The following CNTN5 variants were observed in gnomAD, a reference collection of about 807,000 sequenced individuals.
The protein encoded by CNTN5 is contactin-5.
Under a neutral mutation model 129.1 loss-of-function variants are expected in CNTN5, and 77 were observed. The ratio of observed to expected loss-of-function variants is 0.60; its 90% confidence interval spans 0.50 to 0.72. The LOEUF is 0.72. Among genes scored for constraint, CNTN5 ranks in the 30% least tolerant of loss-of-function variants. The pLI, the probability that CNTN5 is intolerant of heterozygous loss-of-function variation, is 0.00. For missense variants in CNTN5, 1,478 were observed against 1,328.8 expected, an observed-to-expected ratio of 1.11 and a Z score of -1.75; for synonymous variants, 509 against 465.6, an observed-to-expected ratio of 1.09 and a Z score of -1.20.
At chr11:99,429,835 A>T (rs190876522) in intron 2 of CNTN5, among the ~76,000 whole-genome samples, 1 of 152,220 alleles carries the variant, frequency 6.6e-6, no homozygotes, top group East Asian at 1.9e-4. Context: ...ACACACTGAG[A>T]GTAGCCCCCG....
chr11:99,756,549 A>G (rs1318537590), intron 3 of CNTN5, among the ~76,000 whole-genome samples: 1 of 152,136 alleles, frequency 6.6e-6, no homozygotes, highest in Non-Finnish European at 1.5e-5. Flanking sequence ...TGCTAAGATC[A>G]CTAGAAATCA....
Position 99,323,425 on chromosome 11 carries a change from A to C in CNTN5, c.-209-1921A>C, listed in dbSNP as rs550079109. Among the ~76,000 whole-genome samples, 4 of 152,282 alleles carry C rather than the reference A, an allele frequency of 2.6e-5. No individual in the cohort carries two copies. In the South Asian group the frequency reaches 8.3e-4, roughly 32 times the overall value. On this transcript the variant is annotated intron_variant, in intron 1 of 24. Transcript: ENST00000524871. ...ATTGGAAAATGACAACCATCACCAC[A>C]ACAATACAGTTCATTATAATTTTTT... is the stretch of plus-strand genomic sequence containing the variant.
intron 1 of CNTN5, among the ~76,000 whole-genome samples, chr11:99,024,843 C>A (rs1302505508): frequency 1.3e-5 from 2 of 151,914 alleles, no homozygotes; most frequent in African/African-American, 2.4e-5. Flanking sequence ...AGTGTGAGAT[C>A]TATCATTCAT....
chr11:99,626,797 A>C (rs1951149167), intron 3 of CNTN5, among the ~76,000 whole-genome samples: 1 of 152,142 alleles, frequency 6.6e-6, no homozygotes, highest in South Asian at 2.1e-4. Flanking sequence ...ACACAGTGAA[A>C]CGATACTCAA....
intron 1 of CNTN5, among the ~76,000 whole-genome samples, chr11:99,312,274 T>C (rs1865146757): frequency 6.6e-6 from 1 of 152,170 alleles, no homozygotes; most frequent in African/African-American, 2.4e-5. Flanking sequence ...ATACATATAA[T>C]ATGAAACACC....
intron 13 of CNTN5, among the ~76,000 whole-genome samples, chr11:100,133,823 A>G (rs1356794436): frequency 1.3e-5 from 2 of 152,132 alleles, no homozygotes; most frequent in Non-Finnish European, 2.9e-5. Context: ...ACTTGCTGGT[A>G]ACTGGAGTTA....
At chr11:99,271,564 T>A (rs1320028922) in intron 1 of CNTN5, among the ~76,000 whole-genome samples, 1 of 151,878 alleles carries the variant, frequency 6.6e-6, no homozygotes, top group African/African-American at 2.4e-5. Context: ...ATCTCACATT[T>A]TCTGTGGGTT....
At chr11:99,583,252 G>C (rs1168063845) in intron 3 of CNTN5, among the ~76,000 whole-genome samples, 1 of 152,188 alleles carries the variant, frequency 6.6e-6, no homozygotes, top group Admixed American at 6.5e-5. Context: ...GTGCCTCCCA[G>C]TTAGGCTACT....
intron 9 of CNTN5, among the ~76,000 whole-genome samples, chr11:100,026,133 A>C (rs1403317463): frequency 6.6e-6 from 1 of 152,102 alleles, no homozygotes; most frequent in East Asian, 1.9e-4. Context: ...AGGTAACTGA[A>C]TCATTGAGGA....
At chr11:99,222,683 C>T (rs1002323381) in intron 1 of CNTN5, among the ~76,000 whole-genome samples, 2 of 152,048 alleles carry the variant, frequency 1.3e-5, no homozygotes, top group Non-Finnish European at 2.9e-5. Context: ...TTATGGCCCA[C>T]ATTTCTGGAT....
At chr11:99,621,852 G>C (rs1191883956) in intron 3 of CNTN5, among the ~76,000 whole-genome samples, 1 of 152,180 alleles carries the variant, frequency 6.6e-6, no homozygotes, top group East Asian at 1.9e-4. Context: ...ACATTTACCA[G>C]TGAGTATAGA....
At chr11:99,733,482 A>C (rs1300654572) in intron 3 of CNTN5, among the ~76,000 whole-genome samples, 1 of 151,842 alleles carries the variant, frequency 6.6e-6, no homozygotes, top group Non-Finnish European at 1.5e-5. Flanking sequence ...GATAACTGGG[A>C]GGGTCTATGG....
intron 7 of CNTN5, among the ~76,000 whole-genome samples, chr11:99,956,296 A>G (rs920168123): frequency 6.6e-6 from 1 of 152,166 alleles, no homozygotes; most frequent in Non-Finnish European, 1.5e-5. Flanking sequence ...TAGAAGTTAA[A>G]CTAAGTTACA....
intron 8 of CNTN5, among the ~76,000 whole-genome samples, chr11:99,968,656 C>CTCTTTTTTTTTTTTTT (rs1951161575): frequency 1.4e-5 from 1 of 73,910 alleles, no homozygotes; most frequent in Non-Finnish European, 2.5e-5. Flanking sequence ...GCTTTGGGTA[C>CTCTTTTTTTTTTTTTT]TTTTTTTTTT....
intron 8 of CNTN5, among the ~76,000 whole-genome samples, chr11:99,969,522 C>T (rs1266500990): frequency 6.6e-6 from 1 of 152,080 alleles, no homozygotes; most frequent in Non-Finnish European, 1.5e-5. Flanking sequence ...CCTCTTCTTC[C>T]ATTTAATAAT....
At position 100,070,327 on chromosome 11, in the gene CNTN5, T is replaced by C. The variant is rs143161059; in HGVS notation, c.1163-97T>C. 1,635 of 1,303,518 alleles carry C rather than the reference T, an allele frequency of 1.3e-3. 11 individuals carry two copies. The African/African-American group carries it at 0.021, about 17-fold the overall frequency. 80.7% of individuals were successfully genotyped at this position (1,303,518 alleles called of 1,614,324 possible). A position where few individuals can be genotyped will look rare whatever the true frequency, so the allele number is the denominator to read the frequency against. On this transcript the variant is annotated intron_variant, in intron 10 of 24. Coordinates refer to ENST00000524871, the MANE Select transcript of CNTN5 (RefSeq NM_014361.4). ...AATACCTATGGTTGAATGAATTGCT[T>C]TTAAAAAAATACGTTGAATTTTTCC...
chr11:99,781,335 T>C (rs552957941), intron 3 of CNTN5, among the ~76,000 whole-genome samples: 1 of 152,072 alleles, frequency 6.6e-6, no homozygotes, highest in Non-Finnish European at 1.5e-5. Flanking sequence ...GTGAAATGAC[T>C]TATTTTCATG....
Position 99,475,099 on chromosome 11 carries a change from A to G in CNTN5, c.-70-81046A>G, listed in dbSNP as rs1194288071. ...ATTAGACCATGTAAGATCCACCCTCATGAATGTGGGATTAGACCATGTAAG... is the reference window on the plus strand; with the variant it reads ...ATTAGACCATGTAAGATCCACCCTCGTGAATGTGGGATTAGACCATGTAAG... On this transcript the variant is annotated intron_variant, in intron 2 of 24. Transcript: ENST00000524871. Among the ~76,000 whole-genome samples the G allele has an allele frequency of 2.0e-5, 3 of 151,120 alleles. No individual in the cohort carries two copies. In the East Asian group the frequency reaches 5.9e-4, roughly 30 times the overall value.
At chr11:100,118,050 T>A (rs1305388927) in intron 13 of CNTN5, among the ~76,000 whole-genome samples, 2 of 151,334 alleles carry the variant, frequency 1.3e-5, no homozygotes, top group Non-Finnish European at 3.0e-5. Flanking sequence ...TTCCCTTCCA[T>A]GTAATGGGCA....
Sources: allele counts gnomAD v4.1 joint callset (sites outside exome capture counted in the v4.1 genomes callset), GRCh38; gene constraint gnomAD v4.1.1; transcripts MANE v1.5; gene names NCBI Gene and HGNC (gene_info 2026-07-23, HGNC 2026-07-21).